PCDHA4: variants seen among roughly 807,000 people sequenced by gnomAD.
The protein encoded by PCDHA4 is protocadherin alpha-4.
PCDHA4 carries 49 observed loss-of-function variants against 61.4 expected under a neutral mutation model. The observed-to-expected ratio is 0.80, with a 90% CI of 0.63 to 1.01. The LOEUF is 1.01. Among genes scored for constraint, PCDHA4 ranks in the 50% least tolerant of loss-of-function variants. The pLI, the probability that PCDHA4 is intolerant of heterozygous loss-of-function variation, is 0.00. For missense variants in PCDHA4, 1,254 were observed against 1,235.8 expected, an observed-to-expected ratio of 1.01 and a Z score of -0.22; for synonymous variants, 590 against 550.3, an observed-to-expected ratio of 1.07 and a Z score of -1.01.
intron 1 of PCDHA4, chr5:140,966,454 C>G (rs897696652): frequency 1.6e-5 from 7 of 426,406 alleles, no homozygotes; most frequent in Non-Finnish European, 1.6e-5. Flanking sequence ...TCCCCCTCCC[C>G]CTCTGTCTTC....
rs781807025 is a variant in PCDHA4, at chr5:140,872,165, CTT to C, written c.2385+62604_2385+62605del. Among the ~76,000 whole-genome samples the C allele has an allele frequency of 5.6e-3, 809 of 144,322 alleles. 4 individuals are homozygous for C. Among genetic ancestry groups the C allele is most frequent in the Middle Eastern group, 0.014 (4 of 276 alleles). 94.7% of individuals were successfully genotyped at this position (144,322 alleles called of 152,430 possible). On this transcript the variant is annotated intron_variant, in intron 1 of 3. Transcript: ENST00000530339. The stretch of plus-strand genomic sequence containing the variant: ...CATTAGTATGACATGATTTACTTTT[CTT>C]TTTTTTTTTTACAGTGTTAAACGTT...
intron 1 of PCDHA4, among the ~76,000 whole-genome samples, chr5:140,917,362 A>G (rs552053034): frequency 2.2e-4 from 32 of 142,394 alleles, no homozygotes; most frequent in Admixed American, 1.7e-3. Flanking sequence ...CTGTTCCACT[A>G]TCTTGCTCCA....
chr5:140,834,589 A>G (rs2150222134), intron 1 of PCDHA4: 2 of 1,614,090 alleles, frequency 1.2e-6, no homozygotes, highest in South Asian at 1.1e-5. Flanking sequence ...GCGGTGTGCA[A>G]ATTCCGTGGG....
chr5:140,848,851 T>C lies in PCDHA4; in HGVS notation c.2385+39279T>C, dbSNP rs2150422604. ...GACAGGCCGCTGCAGGTTTTCCATG[T>C]GGACGTGGAGGTGAAGGACATTAAC... is the stretch of plus-strand genomic sequence containing the variant. On this transcript the variant is annotated intron_variant, in intron 1 of 3. Coordinates refer to ENST00000530339, the MANE Select transcript of PCDHA4 (RefSeq NM_018907.4). 2.7e-5 allele frequency: 43 copies of C among 1,590,598 alleles called. 4 individuals carry two copies. The Middle Eastern group carries it at 5.0e-4, about 19-fold the overall frequency.
At chr5:140,828,459 T>C (rs1220650558) in intron 1 of PCDHA4, 1 of 1,613,846 alleles carries the variant, frequency 6.2e-7, no homozygotes, top group Non-Finnish European at 8.5e-7. Context: ...GACGTGGAGG[T>C]GAGGGACATT....
intron 1 of PCDHA4, chr5:140,828,694 C>T (rs2150157980): frequency 6.2e-7 from 1 of 1,614,198 alleles, no homozygotes; most frequent in South Asian, 1.1e-5. Context: ...AATCCTTGGA[C>T]AGAGAGGAAG....
chr5:140,955,796 A>G (rs1432865248), intron 1 of PCDHA4, among the ~76,000 whole-genome samples: 3 of 152,004 alleles, frequency 2.0e-5, no homozygotes, highest in Non-Finnish European at 4.4e-5. Context: ...ATGTTTTTCT[A>G]TTTGTTTGTG....
intron 1 of PCDHA4, chr5:140,828,671 C>T (rs150883390): frequency 1.2e-6 from 2 of 1,614,058 alleles, no homozygotes; most frequent in Non-Finnish European, 8.5e-7. Flanking sequence ...ACAAATTGGG[C>T]TCTTATTAAA....
intron 1 of PCDHA4, chr5:140,851,988 A>G: frequency 1.0e-6 from 1 of 975,740 alleles, no homozygotes. Flanking sequence ...AGTGCAAGCT[A>G]TTTGTTTGTT....
intron 1 of PCDHA4, among the ~76,000 whole-genome samples, chr5:140,955,017 T>G (rs1157818120): frequency 6.6e-6 from 1 of 152,186 alleles, no homozygotes. Context: ...CCAGCACCAT[T>G]TATTAAATAG....
In PCDHA4 at chr5:140,871,383, G is replaced by C. The variant is rs200820570; in HGVS notation, c.2385+61811G>C. 9.3e-6 allele frequency: 15 copies of C among 1,614,204 alleles called. No homozygotes were observed. The highest frequency in any genetic ancestry group is 6.7e-5 in the East Asian group (3 of 44,886). Reference sequence around the variant, plus strand: ...AGAGGCGGCAGAGGGTGTGCTCTGAGGAGGGCCCACCTAAGACGGACCTCA... The same window carrying C: ...AGAGGCGGCAGAGGGTGTGCTCTGACGAGGGCCCACCTAAGACGGACCTCA... On this transcript the variant is annotated intron_variant, in intron 1 of 3. Coordinates refer to ENST00000530339, the MANE Select transcript of PCDHA4 (RefSeq NM_018907.4).
At chr5:140,946,059 G>T (rs979423479) in intron 1 of PCDHA4, among the ~76,000 whole-genome samples, 4 of 152,038 alleles carry the variant, frequency 2.6e-5, no homozygotes, top group Non-Finnish European at 4.4e-5. Flanking sequence ...CAGAATGGGA[G>T]AAAATATTTG....
chr5:140,891,481 C>G (rs2063126797), intron 1 of PCDHA4, among the ~76,000 whole-genome samples: 1 of 151,620 alleles, frequency 6.6e-6, no homozygotes, highest in Admixed American at 6.6e-5. Context: ...CTTTACATCA[C>G]TTTGAGCATA....
rs2150358815 is a variant in PCDHA4 at position 140,843,384 on chromosome 5, G to A, written c.2385+33812G>A. The A allele has an allele frequency of 2.5e-6, 4 of 1,596,128 alleles. No individual in the cohort carries two copies. The Admixed American group carries it at 6.7e-5, about 27-fold the overall frequency. On this transcript the variant is annotated intron_variant, in intron 1 of 3. Coordinates refer to ENST00000530339, the MANE Select transcript of PCDHA4 (RefSeq NM_018907.4). ...TCGAGGCAGTCGGCTGGCGTTTTGG[G>A]TCCGGAAGCGGCGCTGGTGGATGTC...
Position 140,876,608 on chromosome 5 carries a change from C to T in PCDHA4, c.2385+67036C>T, listed in dbSNP as rs1267902187. On this transcript the variant is annotated intron_variant, in intron 1 of 3. Transcript: ENST00000530339. ...CTGATTAGCGTGTCGGATCGTGACT[C>T]TGGAGCCAATGGACAGGTCATCTGC... The T allele has an allele frequency of 5.0e-6, 8 of 1,614,070 alleles. No individual in the cohort carries two copies. The highest frequency in any genetic ancestry group is 5.9e-6 in the Non-Finnish European group (7 of 1,180,040).
chr5:140,906,337 C>A (rs2072574983), intron 1 of PCDHA4, among the ~76,000 whole-genome samples: 1 of 152,192 alleles, frequency 6.6e-6, no homozygotes, highest in Non-Finnish European at 1.5e-5. Flanking sequence ...ATCCTTCATA[C>A]AACCAAGAAT....
intron 1 of PCDHA4, among the ~76,000 whole-genome samples, chr5:140,915,642 C>CTCTG (rs1236956905): frequency 1.3e-5 from 2 of 152,012 alleles, no homozygotes; most frequent in African/African-American, 2.4e-5. Context: ...CTCTCTCTCT[C>CTCTG]TCTCTCTCTC....
chr5:140,920,766 C>T (rs370765138), intron 1 of PCDHA4, among the ~76,000 whole-genome samples: 66 of 151,878 alleles, frequency 4.3e-4, no homozygotes, highest in African/African-American at 1.6e-3. Context: ...ATTGCTTACA[C>T]CTGGGAGGTG....
At chr5:140,917,940 G>T (rs2078445007) in intron 1 of PCDHA4, among the ~76,000 whole-genome samples, 1 of 151,950 alleles carries the variant, frequency 6.6e-6, no homozygotes, top group African/African-American at 2.4e-5. Flanking sequence ...AATAATATTG[G>T]TAGTTTGATA....
Sources: allele counts gnomAD v4.1 joint callset (sites outside exome capture counted in the v4.1 genomes callset), GRCh38; gene constraint gnomAD v4.1.1; transcripts MANE v1.5; gene names NCBI Gene and HGNC (gene_info 2026-07-23, HGNC 2026-07-21).